Variants in OPHN1 observed in about 807,000 individuals in gnomAD.
OPHN1 encodes the protein oligophrenin-1.
In OPHN1, 11 loss-of-function variants were observed where a neutral mutation model predicts 60.7. The observed-to-expected ratio is 0.18, with a 90% confidence interval of 0.11 to 0.30. The LOEUF is 0.30. Among genes scored for constraint, OPHN1 ranks in the 10% least tolerant of loss-of-function variants. The pLI, the probability that OPHN1 is intolerant of heterozygous loss-of-function variation, is 1.00. For synonymous variants in OPHN1, 226 were observed against 222.6 expected, an observed-to-expected ratio of 1.02 and a Z score of -0.14; for missense variants, 449 against 611.0, an observed-to-expected ratio of 0.73 and a Z score of 2.80.
chrX:68,145,996 G>A (rs1478578909), intron 15 of OPHN1, among the ~76,000 whole-genome samples: 2 of 111,691 alleles, frequency 1.8e-5, no homozygotes, highest in Non-Finnish European at 3.8e-5. Flanking sequence ...TTGAAACAGA[G>A]ACCATACAGA....
At chrX:68,163,546 A>C (rs1046367723) in intron 15 of OPHN1, among the ~76,000 whole-genome samples, 1 of 110,560 alleles carries the variant, frequency 9.0e-6, no homozygotes, top group African/African-American at 3.3e-5. Flanking sequence ...TGCAACAAAA[A>C]CGGAATGCAG....
intron 18 of OPHN1, among the ~76,000 whole-genome samples, chrX:68,107,439 G>A (rs960506581): frequency 9.0e-6 from 1 of 111,461 alleles, no homozygotes; most frequent in Admixed American, 9.5e-5. Flanking sequence ...TTCAGGCTAC[G>A]TATTTTTGGC....
At chrX:68,193,986 C>A (rs1322356937) in intron 13 of OPHN1, 34 bp from the exon 14 acceptor site, 1 of 1,108,407 alleles carries the variant, frequency 9.0e-7, no homozygotes. Flanking sequence ...TTAGATCCTG[C>A]TGCAACAGGT....
At chrX:68,298,949 G>T in intron 3 of OPHN1, 52 bp downstream of exon 3, 1 of 770,406 alleles carries the variant, frequency 1.3e-6, no homozygotes, top group Non-Finnish European at 2.0e-6. Flanking sequence ...AAGACTACAT[G>T]GTCTCAGGGC....
chrX:68,265,694 T>C (rs912169928), intron 5 of OPHN1, among the ~76,000 whole-genome samples: 1 of 110,984 alleles, frequency 9.0e-6, no homozygotes, highest in African/African-American at 3.3e-5. Flanking sequence ...CTTTGACGAG[T>C]TGAGAGAAGA....
intron 20 of OPHN1, among the ~76,000 whole-genome samples, chrX:68,067,294 C>T (rs751681408): frequency 2.7e-5 from 3 of 111,290 alleles, no homozygotes; most frequent in East Asian, 5.7e-4. Context: ...AAAGACCATG[C>T]TTTGCCTAAG....
chrX:68,404,455 GC>G (rs1164902371), intron 2 of OPHN1, among the ~76,000 whole-genome samples: 3 of 111,159 alleles, frequency 2.7e-5, no homozygotes, highest in African/African-American at 9.8e-5. Context: ...ACTGCGCCTG[GC>G]CAAAACTTTT....
rs191463527 is a variant in OPHN1, at chrX:68,282,399, G to C, written c.312+657C>G. Among the ~76,000 whole-genome samples the C allele has an allele frequency of 2.7e-5, 3 of 111,933 alleles. No individual in the cohort carries two copies. The East Asian group carries it at 8.5e-4, about 32-fold the overall frequency. On this transcript the variant is annotated intron_variant, in intron 4 of 24. Transcript: ENST00000355520. ...CAGGGTTTCAGGACTGGAGAAGGAA[G>C]AGAAGGATGAATAGATTGGACAAAA... is the stretch of plus-strand genomic sequence containing the variant.
intron 15 of OPHN1, among the ~76,000 whole-genome samples, chrX:68,143,099 C>T (rs1043744820): frequency 9.0e-6 from 1 of 111,456 alleles, no homozygotes; most frequent in African/African-American, 3.3e-5. Flanking sequence ...TTCTGGAACC[C>T]CCAAGGGCAC....
intron 5 of OPHN1, among the ~76,000 whole-genome samples, chrX:68,249,652 C>T (rs2077823827): frequency 8.9e-6 from 1 of 111,890 alleles, no homozygotes; most frequent in Non-Finnish European, 1.9e-5. Context: ...GAGCTGACAG[C>T]TGTTGTCCCT....
At chrX:68,150,671 T>A (rs914392851) in intron 15 of OPHN1, among the ~76,000 whole-genome samples, 1 of 111,144 alleles carries the variant, frequency 9.0e-6, no homozygotes, top group Non-Finnish European at 1.9e-5. Context: ...GCAAGTAGAG[T>A]CAGCAAAGTA....
chrX:68,183,923 C>T (rs958070507), intron 15 of OPHN1, among the ~76,000 whole-genome samples: 1 of 112,068 alleles, frequency 8.9e-6, no homozygotes, highest in East Asian at 2.8e-4. Context: ...TGATAAGCAG[C>T]AATTTACAAG....
intron 15 of OPHN1, among the ~76,000 whole-genome samples, chrX:68,184,799 T>G (rs2147443314): frequency 9.0e-6 from 1 of 110,723 alleles, no homozygotes; most frequent in Admixed American, 9.6e-5. Context: ...TTTCACCATG[T>G]TGGCCAGGCT....
At chrX:68,308,727 G>A (rs5965539) in intron 2 of OPHN1, among the ~76,000 whole-genome samples, 6,257 of 111,675 alleles carry the variant, frequency 0.056, 424 homozygotes, top group African/African-American at 0.19. Context: ...GAGGATATAC[G>A]CAGTTAGCCT....
chrX:68,416,063 T>TAGAG (rs1252046498), intron 2 of OPHN1, among the ~76,000 whole-genome samples: 2 of 6,328 alleles, frequency 3.2e-4, no homozygotes, highest in Admixed American at 2.2e-3. Flanking sequence ...TATATATATA[T>TAGAG]ATATAGAGAG....
chrX:68,200,512 AG>A (rs1270409210), intron 11 of OPHN1, among the ~76,000 whole-genome samples: 1 of 111,484 alleles, frequency 9.0e-6, no homozygotes, highest in Admixed American at 9.6e-5. Context: ...ACTGGAACTG[AG>A]GCTATCAGGA....
In OPHN1 at chrX:68,044,438, C is replaced by T. The variant is rs1221715101; in HGVS notation, c.*2734G>A. On this transcript the variant is annotated 3_prime_UTR_variant, in exon 25 of 25. Coordinates refer to ENST00000355520, the MANE Select transcript of OPHN1 (RefSeq NM_002547.3). ...TGAAACACTGAGCAGTTAATAAATA[C>T]GTGCTTAATAAATGTTAGGTTCTTT... The T allele has an allele frequency of 1.8e-5, 2 of 112,771 alleles. No homozygotes were observed. The highest frequency in any genetic ancestry group is 3.7e-5 in the Non-Finnish European group (2 of 53,393). 9.3% of individuals were successfully genotyped at this position (112,771 alleles called of 1,213,427 possible). A position where few individuals can be genotyped will look rare whatever the true frequency, so the allele number is the denominator to read the frequency against.
intron 15 of OPHN1, among the ~76,000 whole-genome samples, chrX:68,192,332 C>T (rs1486326649): frequency 9.1e-6 from 1 of 110,295 alleles, no homozygotes; most frequent in Non-Finnish European, 1.9e-5. Context: ...GACCCCATCA[C>T]TACAAAAAAA....
At chrX:68,404,777 A>C (rs2078733466) in intron 2 of OPHN1, among the ~76,000 whole-genome samples, 1 of 112,388 alleles carries the variant, frequency 8.9e-6, no homozygotes, top group Non-Finnish European at 1.9e-5. Context: ...GACACATGCT[A>C]CGTGAAAGAA....
Sources: allele counts gnomAD v4.1 joint callset (sites outside exome capture counted in the v4.1 genomes callset), GRCh38; gene constraint gnomAD v4.1.1; transcripts MANE v1.5; gene names NCBI Gene and HGNC (gene_info 2026-07-23, HGNC 2026-07-21).